Variants in PLCE1 observed in about 807,000 individuals in gnomAD.
PLCE1 encodes 1-phosphatidylinositol 4,5-bisphosphate phosphodiesterase epsilon-1.
Under a neutral mutation model 242.8 loss-of-function variants are expected in PLCE1, and 119 were observed. The observed-to-expected ratio is 0.49, with a 90% confidence interval of 0.42 to 0.57. The LOEUF is 0.57. Ranked by LOEUF, PLCE1 falls within the 20% of genes least tolerant of loss-of-function variation. PLCE1 has a pLI of 0.00. For synonymous variants in PLCE1, 945 were observed against 1,017.4 expected, an observed-to-expected ratio of 0.93 and a Z score of 1.35; for missense variants, 2,441 against 2,788.8, an observed-to-expected ratio of 0.88 and a Z score of 2.81.
chr10:94,249,434 A>T (rs984799528), intron 8 of PLCE1, among the ~76,000 whole-genome samples: 34 of 151,914 alleles, frequency 2.2e-4, no homozygotes, highest in Admixed American at 8.5e-4. Context: ...TTAAAAAAAA[A>T]AACTATTTAA....
At chr10:94,045,812 T>C (rs1409612448) in intron 2 of PLCE1, among the ~76,000 whole-genome samples, 3 of 152,004 alleles carry the variant, frequency 2.0e-5, no homozygotes, top group Non-Finnish European at 4.4e-5. Context: ...GTAAATAACC[T>C]TGGTTGGGCC....
chr10:94,228,214 C>T (rs1381763943), intron 5 of PLCE1, among the ~76,000 whole-genome samples: 4 of 140,340 alleles, frequency 2.9e-5, no homozygotes, highest in African/African-American at 1.1e-4. Flanking sequence ...CCCTTTTAGC[C>T]TCAGCTACCT....
At chr10:94,030,482 T>G (rs2061535496) in intron 1 of PLCE1, among the ~76,000 whole-genome samples, 1 of 152,052 alleles carries the variant, frequency 6.6e-6, no homozygotes, top group Admixed American at 6.6e-5. Context: ...GAATAAATCT[T>G]GCCCTTGTTA....
intron 29 of PLCE1, 55 bp downstream of exon 29, chr10:94,316,811 T>C: frequency 1.5e-6 from 2 of 1,305,110 alleles, no homozygotes; most frequent in Non-Finnish European, 2.2e-6. Flanking sequence ...TGATTAGCCA[T>C]TTACCACTCA....
chr10:94,301,654 G>A (rs771750088), intron 24 of PLCE1, among the ~76,000 whole-genome samples: 10 of 152,020 alleles, frequency 6.6e-5, no homozygotes, highest in Non-Finnish European at 1.5e-4. Context: ...ACTCCAAGAA[G>A]GTCTGAAGTG....
chr10:94,104,585 G>A (rs78887864), intron 2 of PLCE1: 64 of 152,186 alleles, frequency 4.2e-4, no homozygotes, highest in African/African-American at 1.4e-3. Flanking sequence ...GGCCTTTTGC[G>A]GCTTCTGTTT....
chr10:94,302,928 C>T (rs1330984464), intron 24 of PLCE1, among the ~76,000 whole-genome samples: 1 of 152,178 alleles, frequency 6.6e-6, no homozygotes, highest in Non-Finnish European at 1.5e-5. Context: ...CTCTTTGCTA[C>T]CCTCACCATG....
At chr10:94,006,092 C>G (rs1229544462) in intron 1 of PLCE1, among the ~76,000 whole-genome samples, 3 of 152,132 alleles carry the variant, frequency 2.0e-5, no homozygotes, top group African/African-American at 7.2e-5. Context: ...CTGGGTGGGC[C>G]TTGATGAAGC....
At chr10:94,066,149 G>C (rs1489452178) in intron 2 of PLCE1, among the ~76,000 whole-genome samples, 2 of 152,172 alleles carry the variant, frequency 1.3e-5, no homozygotes, top group East Asian at 3.8e-4. Context: ...TTTTGCAGAA[G>C]AGTGTTCTGC....
Position 94,258,893 on chromosome 10 carries a change from T to C in PLCE1, c.3648T>C (p.Val1216=). The stretch of plus-strand genomic sequence containing the variant: ...TTTCAGATAGCAACATGAGTTTTGT[T>C]GAATTTGTTGAGCTGTTCAAATCAT... ...FMVSDSNMSF[V]EFVELFKSFS... The change falls in exon 12 of 33, where the codon GTT becomes GTC. Residue 1216 remains valine (V), a synonymous_variant. Coordinates refer to ENST00000371380, the MANE Select transcript of PLCE1 (RefSeq NM_016341.4). The C allele has an allele frequency of 1.9e-6, 3 of 1,614,170 alleles. No individual in the cohort carries two copies. The highest frequency in any genetic ancestry group is 1.7e-6 in the Non-Finnish European group (2 of 1,180,000).
rs1355165721 is a variant in PLCE1, at chr10:94,322,285, T to TG, written c.6501+228dup. 3.3e-5 allele frequency among the ~76,000 whole-genome samples: 5 copies of TG among 151,502 alleles called. No individual in the cohort carries two copies. The East Asian group carries it at 5.9e-4, about 18-fold the overall frequency. On this transcript the variant is annotated intron_variant, in intron 30 of 32. Transcript: ENST00000371380. ...AGGAGGATTACTTGAGCACAGGAGT[T>TG]GGAGGCTGCAGTGAGCTATGACTGG...
intron 7 of PLCE1, among the ~76,000 whole-genome samples, chr10:94,236,871 G>A (rs980003033): frequency 2.7e-5 from 4 of 150,832 alleles, no homozygotes; most frequent in Admixed American, 6.6e-5. Flanking sequence ...TCTCTCTCTC[G>A]GCATCTATGT....
Position 94,319,826 on chromosome 10 carries a change from T to C in PLCE1, c.6343-2075T>C, listed in dbSNP as rs1338309309. 2.0e-5 allele frequency among the ~76,000 whole-genome samples: 3 copies of C among 149,466 alleles called. No individual in the cohort carries two copies. The Admixed American group carries it at 2.0e-4, about 10-fold the overall frequency. ...GGCTTCGAACTAATGTGGCTAGAAA[T>C]ACCTTAAAATAAGCTCTGAGGGAGG... On this transcript the variant is annotated intron_variant, in intron 29 of 32. Transcript: ENST00000371380.
intron 3 of PLCE1, among the ~76,000 whole-genome samples, chr10:94,170,913 G>A (rs766984206): frequency 6.6e-6 from 1 of 152,134 alleles, no homozygotes; most frequent in Non-Finnish European, 1.5e-5. Flanking sequence ...GGGGAATTAT[G>A]TGCTAGATTA....
intron 2 of PLCE1, among the ~76,000 whole-genome samples, chr10:94,060,369 G>A (rs2044014507): frequency 6.6e-6 from 1 of 152,104 alleles, no homozygotes; most frequent in Non-Finnish European, 1.5e-5. Context: ...ATGGAATTAT[G>A]TGAGGCCTAC....
At chr10:94,218,360 G>T (rs910336890) in intron 4 of PLCE1, among the ~76,000 whole-genome samples, 14 of 152,118 alleles carry the variant, frequency 9.2e-5, no homozygotes, top group African/African-American at 3.1e-4. Flanking sequence ...GCCCAGATAG[G>T]TTAAGTGAAT....
At chr10:94,114,255 C>T (rs190905763) in intron 2 of PLCE1, among the ~76,000 whole-genome samples, 27 of 152,306 alleles carry the variant, frequency 1.8e-4, no homozygotes, top group African/African-American at 6.3e-4. Context: ...CCCTGACCTC[C>T]TCACTTCCCC....
At chr10:94,103,252 C>A (rs1323411094) in intron 2 of PLCE1, among the ~76,000 whole-genome samples, 3 of 152,258 alleles carry the variant, frequency 2.0e-5, no homozygotes, top group East Asian at 3.9e-4. Context: ...TACAGATAGG[C>A]AAACTGAGGC....
intron 4 of PLCE1, among the ~76,000 whole-genome samples, chr10:94,213,232 G>A (rs1047570659): frequency 1.3e-5 from 2 of 152,168 alleles, no homozygotes; most frequent in African/African-American, 4.8e-5. Context: ...TGCCTTTCAT[G>A]TACAGCTCTG....
Sources: allele counts gnomAD v4.1 joint callset (sites outside exome capture counted in the v4.1 genomes callset), GRCh38; gene constraint gnomAD v4.1.1; transcripts MANE v1.5; gene names NCBI Gene and HGNC (gene_info 2026-07-23, HGNC 2026-07-21).